Variants in PHLDB2 observed in about 807,000 individuals in gnomAD.
PHLDB2 encodes the protein pleckstrin homology like domain family B member 2.
A neutral mutation model predicts 123.6 loss-of-function variants in PHLDB2; 71 were observed. The ratio of observed to expected loss-of-function variants is 0.57; its 90% CI spans 0.47 to 0.70. PHLDB2 has a LOEUF of 0.70. PHLDB2 is among the 30% of genes least tolerant of loss of function. The pLI is 0.00. For missense variants in PHLDB2, 1,446 were observed against 1,519.5 expected (o/e 0.95, Z 0.80); for synonymous variants, 547 against 541.6 (o/e 1.01, Z -0.14).
rs1376105213 is a variant in PHLDB2 at position 111,962,250 on chromosome 3, C to G, written c.3015C>G (p.Ser1005Arg). The change falls in exon 13 of 18, where the codon AGC becomes AGG. Residue 1005 changes from serine (S) to arginine (R), a missense_variant. Ser to Arg is a moderately radical substitution (Grantham distance 110). Around this residue, in one of 3 missense-constraint regions of PHLDB2, gnomAD observed 594 missense variants for 646.0 expected, o/e 0.92. Transcript: ENST00000431670. ...AGGACCAGGCCTTTGATACTCTGAG[C>G]CTCGATAGCTCTGATAGCATGGAGA... is the stretch of plus-strand genomic sequence containing the variant. ...SYKDQAFDTLSLDSSDSMETS... is the reference protein window; with the variant it reads ...SYKDQAFDTLRLDSSDSMETS... 1.3e-6 allele frequency: 2 copies of G among 1,579,330 alleles called. No homozygotes were observed. The highest frequency in any genetic ancestry group is 1.4e-5 in the African/African-American group (1 of 72,328).
intron 1 of PHLDB2, among the ~76,000 whole-genome samples, chr3:111,758,601 G>A (rs1046348686): frequency 9.9e-5 from 15 of 152,138 alleles, no homozygotes; most frequent in South Asian, 6.2e-4. Context: ...TGCAGTGTGC[G>A]CGCACCCACT....
chr3:111,844,488 A>G (rs549246329), intron 1 of PHLDB2, among the ~76,000 whole-genome samples: 2 of 152,248 alleles, frequency 1.3e-5, no homozygotes, highest in South Asian at 4.1e-4. Flanking sequence ...GAATCAATAA[A>G]TCATGTTGGC....
intron 1 of PHLDB2, among the ~76,000 whole-genome samples, chr3:111,795,622 C>G (rs1367403670): frequency 6.6e-6 from 1 of 152,224 alleles, no homozygotes; most frequent in Non-Finnish European, 1.5e-5. Flanking sequence ...TCTTTCCCAC[C>G]CACACTGCCT....
chr3:111,875,822 A>C (rs76840711), intron 1 of PHLDB2, among the ~76,000 whole-genome samples: 1 of 42,896 alleles, frequency 2.3e-5, no homozygotes, highest in African/African-American at 5.5e-5. Flanking sequence ...GACTGTCTCA[A>C]AAAAAAAAAA....
intron 1 of PHLDB2, among the ~76,000 whole-genome samples, chr3:111,780,399 A>AGAG (rs2060407024): frequency 2.7e-5 from 2 of 74,364 alleles, no homozygotes; most frequent in African/African-American, 4.7e-5. Flanking sequence ...AAGAAGAAGA[A>AGAG]GAAGAAGAAG....
At chr3:111,908,433 G>A (rs1270856431) in intron 2 of PHLDB2, among the ~76,000 whole-genome samples, 1 of 152,108 alleles carries the variant, frequency 6.6e-6, no homozygotes, top group East Asian at 1.9e-4. Context: ...CTTAAATACA[G>A]GTCTGTTTCT....
At chr3:111,791,165 G>T (rs1009176730) in intron 1 of PHLDB2, among the ~76,000 whole-genome samples, 2 of 152,160 alleles carry the variant, frequency 1.3e-5, no homozygotes, top group Admixed American at 1.3e-4. Context: ...GTGAATGTTT[G>T]TTCTTAACCA....
At chr3:111,735,363 C>T (rs780984908) in intron 1 of PHLDB2, among the ~76,000 whole-genome samples, 7 of 152,140 alleles carry the variant, frequency 4.6e-5, no homozygotes, top group Non-Finnish European at 1.0e-4. Context: ...ACAGCAGAAG[C>T]CTTAATCCGC....
At position 111,805,515 on chromosome 3, in the gene PHLDB2, T is replaced by A. The variant is rs1043031862; in HGVS notation, c.-48-40306T>A. The stretch of plus-strand genomic sequence containing the variant: ...GGCGGAGCTTGCAGTGAGCCGAGAT[T>A]GCGCCGCTGCACTCCAGCCTGGGCG... On this transcript the variant is annotated intron_variant, in intron 1 of 17. Transcript: ENST00000393923. Among the ~76,000 whole-genome samples the A allele has an allele frequency of 2.7e-5, 4 of 149,528 alleles. 1 individual carries two copies. Among genetic ancestry groups the A allele is most frequent in the African/African-American group, 9.9e-5 (4 of 40,262 alleles).
chr3:111,949,577 T>C, intron 10 of PHLDB2: 1 of 396,560 alleles, frequency 2.5e-6, no homozygotes, highest in Non-Finnish European at 3.4e-6. Flanking sequence ...TTGAAAGATA[T>C]TGCCCATCAA....
At chr3:111,959,918 C>G (rs2071292074) in intron 12 of PHLDB2, among the ~76,000 whole-genome samples, 2 of 152,134 alleles carry the variant, frequency 1.3e-5, no homozygotes, top group African/African-American at 4.8e-5. Flanking sequence ...TCACTCATTG[C>G]CAGAGAGATA....
rs185645529 is a variant in PHLDB2, at chr3:111,813,812, A to G, written c.-48-32009A>G. 1.5e-3 allele frequency among the ~76,000 whole-genome samples: 231 copies of G among 152,348 alleles called. 1 individual carries two copies. The highest frequency in any genetic ancestry group is 5.4e-3 in the African/African-American group (225 of 41,584). On this transcript the variant is annotated intron_variant, in intron 1 of 17. Transcript: ENST00000393923. ...TGTGTGATATTTAGGCCACTTAATT[A>G]GAGCAAACACATAGTTTTATCAAAA...
At chr3:111,903,311 C>G (rs894581927) in intron 2 of PHLDB2, among the ~76,000 whole-genome samples, 18 of 152,222 alleles carry the variant, frequency 1.2e-4, no homozygotes, top group Non-Finnish European at 2.4e-4. Flanking sequence ...GAGGGTAGTT[C>G]TTTCTAGAAG....
intron 1 of PHLDB2, among the ~76,000 whole-genome samples, chr3:111,818,336 T>C (rs1411331885): frequency 6.6e-6 from 1 of 152,150 alleles, no homozygotes. Context: ...ACAACCTATC[T>C]AAACTCAGCA....
At chr3:111,893,758 CAA>C (rs35372627) in intron 2 of PHLDB2, among the ~76,000 whole-genome samples, 2 of 136,596 alleles carry the variant, frequency 1.5e-5, no homozygotes, top group African/African-American at 2.7e-5. Context: ...TTAAGGTAAG[CAA>C]AAAAAAAAAA....
At chr3:111,898,592 A>T (rs1242332738) in intron 2 of PHLDB2, among the ~76,000 whole-genome samples, 1 of 152,182 alleles carries the variant, frequency 6.6e-6, no homozygotes, top group African/African-American at 2.4e-5. Flanking sequence ...CGCTTTACCC[A>T]CAGTAGAACT....
chr3:111,827,884 A>G (rs1044743804), intron 1 of PHLDB2, among the ~76,000 whole-genome samples: 1 of 152,150 alleles, frequency 6.6e-6, no homozygotes, highest in African/African-American at 2.4e-5. Context: ...CATATTTCCA[A>G]ATGAAAACAA....
At chr3:111,739,853 GT>G (rs199750896) in intron 1 of PHLDB2, among the ~76,000 whole-genome samples, 7 of 151,444 alleles carry the variant, frequency 4.6e-5, no homozygotes, top group East Asian at 1.9e-4. Context: ...AAAAAGGCAG[GT>G]TTTTTTTTAA....
chr3:111,765,630 G>C (rs1219274416), intron 1 of PHLDB2, among the ~76,000 whole-genome samples: 1 of 152,114 alleles, frequency 6.6e-6, no homozygotes, highest in African/African-American at 2.4e-5. Flanking sequence ...AAATATAGAA[G>C]CTAATGCTCA....
Sources: allele counts gnomAD v4.1 joint callset (sites outside exome capture counted in the v4.1 genomes callset), GRCh38; gene constraint gnomAD v4.1.1; regional missense constraint gnomAD v4.1.1; transcripts MANE v1.5; gene names NCBI Gene and HGNC (gene_info 2026-07-23, HGNC 2026-07-21).